The following MAP4 variants were observed in gnomAD, a reference collection of about 807,000 sequenced individuals.
The protein encoded by MAP4 is microtubule-associated protein 4.
A neutral mutation model predicts 170.2 loss-of-function variants in MAP4; 76 were observed. That is an observed-to-expected ratio of 0.45 (90% CI 0.37 to 0.54). The LOEUF is 0.54. Among genes scored for constraint, MAP4 ranks in the 20% least tolerant of loss-of-function variants. The pLI, the probability that MAP4 is intolerant of heterozygous loss-of-function variation, is 0.00. For missense variants in MAP4, 2,506 were observed against 2,748.0 expected (o/e 0.91, Z 1.97); for synonymous variants, 909 against 994.5 (o/e 0.91, Z 1.62).
chr3:47,962,104 G>A (rs960945148), intron 3 of MAP4, among the ~76,000 whole-genome samples: 1 of 152,114 alleles, frequency 6.6e-6, no homozygotes, highest in African/African-American at 2.4e-5. Context: ...GAAACTTCCA[G>A]CCCCTTTTCC....
At chr3:48,027,514 C>T (rs1176214573) in intron 1 of MAP4, among the ~76,000 whole-genome samples, 1 of 152,106 alleles carries the variant, frequency 6.6e-6, no homozygotes, top group Non-Finnish European at 1.5e-5. Flanking sequence ...TCTCCAAAAT[C>T]AGTAATCTTT....
At position 47,910,173 on chromosome 3, in the gene MAP4, A is replaced by G. The variant is rs1293814494; in HGVS notation, c.4248T>C (p.Phe1416=). The G allele has an allele frequency of 1.2e-6, 2 of 1,613,970 alleles. No homozygotes were observed. Among genetic ancestry groups the G allele is most frequent in the South Asian group, 1.1e-5 (1 of 91,082 alleles). ...GCTCTGATGGTGTTCTGGGACAGGT[A>G]AATGTAATATTTCTATTTTCGTCCA... is the stretch of plus-strand genomic sequence containing the variant. ...AYMDENRNIT[F]TCPRTPSELI... is the part of the protein sequence containing the mutation. Residue 1416 remains phenylalanine, a synonymous_variant, in exon 9 of 21, where the codon TTT becomes TTC. Coordinates refer to ENST00000683076, the MANE Select transcript of MAP4 (RefSeq NM_001385682.1).
At chr3:47,891,475 T>C in intron 10 of MAP4, 1 of 1,521,500 alleles carries the variant, frequency 6.6e-7, no homozygotes, top group Non-Finnish European at 8.8e-7. Flanking sequence ...GACTAGGCAT[T>C]GGGCTACTAG....
intron 10 of MAP4, among the ~76,000 whole-genome samples, chr3:47,887,671 C>G (rs571395050): frequency 6.6e-6 from 1 of 152,250 alleles, no homozygotes; most frequent in Non-Finnish European, 1.5e-5. Context: ...AGCTGGGCTC[C>G]TGAGTCTGGT....
chr3:48,082,078 AT>A (rs1415952363), intron 1 of MAP4, among the ~76,000 whole-genome samples: 2 of 152,236 alleles, frequency 1.3e-5, no homozygotes, highest in African/African-American at 4.8e-5. Flanking sequence ...AAAGAAAAAA[AT>A]ATTCATGGGT....
At chr3:47,978,643 T>G (rs1418469392) in intron 2 of MAP4, among the ~76,000 whole-genome samples, 1 of 151,978 alleles carries the variant, frequency 6.6e-6, no homozygotes, top group Non-Finnish European at 1.5e-5. Context: ...ACTTATTAAT[T>G]CCCACACAGG....
chr3:47,954,946 G>A (rs552924047), intron 3 of MAP4, among the ~76,000 whole-genome samples: 2 of 152,222 alleles, frequency 1.3e-5, no homozygotes, highest in South Asian at 2.1e-4. Flanking sequence ...AGGGCTAAAT[G>A]GAAGCCCCTA....
chr3:48,059,596 T>TTTA (rs1284692979), intron 1 of MAP4, among the ~76,000 whole-genome samples: 1 of 151,722 alleles, frequency 6.6e-6, no homozygotes. Flanking sequence ...ATTTTGATCC[T>TTTA]TTATGGTCCA....
At chr3:47,899,773 A>G (rs1391950605) in intron 10 of MAP4, among the ~76,000 whole-genome samples, 1 of 152,110 alleles carries the variant, frequency 6.6e-6, no homozygotes, top group African/African-American at 2.4e-5. Flanking sequence ...CTTCAACCCA[A>G]CCCAAGCGGT....
chr3:48,014,348 C>A (rs1445683853), intron 1 of MAP4, among the ~76,000 whole-genome samples: 1 of 152,166 alleles, frequency 6.6e-6, no homozygotes, highest in East Asian at 1.9e-4. Context: ...GAGAAATTGG[C>A]AATCTGGTTT....
intron 1 of MAP4, among the ~76,000 whole-genome samples, chr3:48,011,300 G>A (rs543163564): frequency 1.3e-5 from 2 of 152,224 alleles, no homozygotes; most frequent in Non-Finnish European, 2.9e-5. Flanking sequence ...AGGCCAAGGC[G>A]GGTGGATCAC....
chr3:47,877,818 G>C, intron 10 of MAP4: 1 of 182,068 alleles, frequency 5.5e-6, no homozygotes, highest in Non-Finnish European at 1.1e-5. Context: ...CTTCCCTAGA[G>C]ACCAAAGGGA....
At chr3:47,948,000 T>C (rs1318032170) in intron 3 of MAP4, among the ~76,000 whole-genome samples, 1 of 151,572 alleles carries the variant, frequency 6.6e-6, no homozygotes, top group Non-Finnish European at 1.5e-5. Flanking sequence ...TGACCTATTC[T>C]TTCTTTTTTT....
chr3:47,856,976 T>G (rs749738727), intron 18 of MAP4, among the ~76,000 whole-genome samples: 2 of 152,260 alleles, frequency 1.3e-5, no homozygotes, highest in African/African-American at 2.4e-5. Flanking sequence ...TGCAAGTTGC[T>G]GAACGCCTCC....
At chr3:47,930,733 C>T (rs1384204232) in intron 3 of MAP4, among the ~76,000 whole-genome samples, 1 of 151,570 alleles carries the variant, frequency 6.6e-6, no homozygotes, top group Non-Finnish European at 1.5e-5. Context: ...TCGAGACCAT[C>T]CTGGCTAACA....
intron 2 of MAP4, among the ~76,000 whole-genome samples, chr3:47,992,269 T>C (rs2100092782): frequency 6.6e-6 from 1 of 152,132 alleles, no homozygotes; most frequent in Non-Finnish European, 1.5e-5. Flanking sequence ...TGCACCAGAT[T>C]TCTACAAGAC....
At chr3:47,872,869 A>C (rs1408209950) in intron 12 of MAP4, among the ~76,000 whole-genome samples, 1 of 152,250 alleles carries the variant, frequency 6.6e-6, no homozygotes, top group Non-Finnish European at 1.5e-5. Flanking sequence ...ATACACAAAC[A>C]AAAACTAAAA....
At chr3:48,031,676 G>A (rs1346016026) in intron 1 of MAP4, among the ~76,000 whole-genome samples, 48 of 152,184 alleles carry the variant, frequency 3.2e-4, no homozygotes, top group Admixed American at 3.0e-3. Context: ...GGTAAGCCAC[G>A]ATCGTGCCAC....
At chr3:47,945,834 C>A (rs1206862438) in intron 3 of MAP4, among the ~76,000 whole-genome samples, 4 of 151,880 alleles carry the variant, frequency 2.6e-5, no homozygotes, top group Non-Finnish European at 5.9e-5. Context: ...ACCTCAGTCT[C>A]CCAAGTATCT....
Sources: allele counts gnomAD v4.1 joint callset (sites outside exome capture counted in the v4.1 genomes callset), GRCh38; gene constraint gnomAD v4.1.1; transcripts MANE v1.5; gene names NCBI Gene and HGNC (gene_info 2026-07-23, HGNC 2026-07-21).